The following NOTCH2NLA variants were observed in gnomAD, a reference collection of about 807,000 sequenced individuals.
NOTCH2NLA encodes notch homolog 2 N-terminal-like protein A.
At chr1:146,174,400 C>CG (rs1478594183) in intron 2 of NOTCH2NLA, among the ~76,000 whole-genome samples, 1 of 95,810 alleles carries the variant, frequency 1.0e-5, no homozygotes, top group Admixed American at 1.2e-4. Context: ...CTGTCTTTAG[C>CG]TTTTTTTTTT....
At chr1:146,172,749 T>C (rs1179362643) in intron 2 of NOTCH2NLA, among the ~76,000 whole-genome samples, 46 of 151,682 alleles carry the variant, frequency 3.0e-4, no homozygotes, top group South Asian at 4.1e-4. Flanking sequence ...ATGGTTCTTC[T>C]TTATTTAAGC....
chr1:146,154,795 T>A (rs1661078295), downstream of NOTCH2NLA: 1 of 20,976 alleles, frequency 4.8e-5, no homozygotes, highest in East Asian at 1.4e-3. Flanking sequence ...AAACTTCCTT[T>A]ATTGACTTCT....
chr1:146,174,798 T>TA (rs1662182181), intron 2 of NOTCH2NLA, among the ~76,000 whole-genome samples: 2 of 139,674 alleles, frequency 1.4e-5, no homozygotes, highest in African/African-American at 4.9e-5. Context: ...GTAAATGAGG[T>TA]AAGGGCAGGG....
chr1:146,159,423 G>GAAAGAAAGAA (rs1661363247), intron 3 of NOTCH2NLA, among the ~76,000 whole-genome samples: 1 of 149,338 alleles, frequency 6.7e-6, no homozygotes. Context: ...AAGAAAGAAA[G>GAAAGAAAGAA]AAAGAAAGAA....
chr1:146,159,966 C>CAAAAAAAAAAAAA lies in NOTCH2NLA; in HGVS notation c.299-3164_299-3152dup, dbSNP rs782308523. 5.4e-4 allele frequency among the ~76,000 whole-genome samples: 4 copies of CAAAAAAAAAAAAA among 7,438 alleles called. 1 individual carries two copies. Among genetic ancestry groups the CAAAAAAAAAAAAA allele is most frequent in the Non-Finnish European group, 9.7e-4 (2 of 2,068 alleles). 4.9% of individuals were successfully genotyped at this position (7,438 alleles called of 152,430 possible). A position where few individuals can be genotyped will look rare whatever the true frequency, so the allele number is the denominator to read the frequency against. On this transcript the variant is annotated intron_variant, in intron 3 of 4. Coordinates refer to ENST00000362074, the Ensembl canonical transcript of NOTCH2NLA. ...TGGATGACAAAGCAATACTCCATCT[C>CAAAAAAAAAAAAA]AAAAAAAAAAAAAAAAAAAAAAAAA...
At chr1:146,186,457 C>T (rs1662770125) in intron 2 of NOTCH2NLA, among the ~76,000 whole-genome samples, 2 of 144,968 alleles carry the variant, frequency 1.4e-5, no homozygotes, top group African/African-American at 4.9e-5. Flanking sequence ...TGGGTTCAGG[C>T]CATTCTCCTG....
intron 3 of NOTCH2NLA, among the ~76,000 whole-genome samples, chr1:146,159,144 G>T (rs1162114949): frequency 1.3e-5 from 2 of 151,944 alleles, no homozygotes; most frequent in Admixed American, 1.3e-4. Flanking sequence ...GATCACTTGT[G>T]GTTAGGAGTT....
intron 2 of NOTCH2NLA, among the ~76,000 whole-genome samples, chr1:146,185,102 A>T (rs587729241): frequency 1.4e-5 from 2 of 141,284 alleles, no homozygotes; most frequent in African/African-American, 4.9e-5. Flanking sequence ...ACAGAAACAC[A>T]TCCATAGACA....
chr1:146,200,704 C>G (rs1213013584), intron 1 of NOTCH2NLA, among the ~76,000 whole-genome samples: 2 of 128,986 alleles, frequency 1.6e-5, no homozygotes, highest in African/African-American at 6.0e-5. Context: ...TAAATGCAAG[C>G]AAGAATTTAT....
intron 2 of NOTCH2NLA, among the ~76,000 whole-genome samples, chr1:146,180,112 A>G (rs1553808984): frequency 7.0e-6 from 1 of 143,188 alleles, no homozygotes; most frequent in African/African-American, 2.4e-5. Context: ...ATAGCGCTTC[A>G]GAGTCCATCT....
At position 146,180,915 on chromosome 1, in the gene NOTCH2NLA, A is replaced by C. The variant is rs1176587568; in HGVS notation, c.38+8385T>G. On this transcript the variant is annotated intron_variant, in intron 2 of 4. Transcript: ENST00000362074. ...AGATGTAGACAAAATTAAAGAATTT[A>C]ATTAAGCCTCTCCATATCCTGAAAG... 6.6e-4 allele frequency among the ~76,000 whole-genome samples: 70 copies of C among 105,548 alleles called. 1 individual carries two copies. Among genetic ancestry groups the C allele is most frequent in the Non-Finnish European group, 1.4e-3 (62 of 43,862 alleles). 69.2% of individuals were successfully genotyped at this position (105,548 alleles called of 152,430 possible).
At chr1:146,201,154 T>TG (rs1183747770) in intron 1 of NOTCH2NLA, among the ~76,000 whole-genome samples, 2 of 800 alleles carry the variant, frequency 2.5e-3, no homozygotes, top group East Asian at 0.01. Flanking sequence ...TTGGCTTTCT[T>TG]GAGCCCAGTG....
At chr1:146,162,477 G>A (rs1256917776) in intron 3 of NOTCH2NLA, among the ~76,000 whole-genome samples, 1 of 113,538 alleles carries the variant, frequency 8.8e-6, no homozygotes, top group African/African-American at 4.1e-5. Flanking sequence ...TGTTGCCAAA[G>A]GAGATTAACA....
chr1:146,195,102 C>T lies in NOTCH2NLA; in HGVS notation c.-44-5721G>A, dbSNP rs1436587461. Among the ~76,000 whole-genome samples the T allele has an allele frequency of 3.5e-3, 387 of 111,054 alleles. 101 individuals are homozygous for T. Among genetic ancestry groups the T allele is most frequent in the East Asian group, 9.4e-3 (28 of 2,974 alleles). The allele number at this position is 111,054 out of a possible 152,430, so 72.9% of individuals were successfully genotyped here. A position where few individuals can be genotyped will look rare whatever the true frequency, so the allele number is the denominator to read the frequency against. Reference sequence around the variant, plus strand: ...AATTCAGCACTACAGGGTCTTCTAGCTCTCTGCTTTTTCACTTTTAAGTTC... The same window carrying T: ...AATTCAGCACTACAGGGTCTTCTAGTTCTCTGCTTTTTCACTTTTAAGTTC... On this transcript the variant is annotated intron_variant, in intron 1 of 4. Transcript: ENST00000362074.
intron 2 of NOTCH2NLA, among the ~76,000 whole-genome samples, chr1:146,171,538 C>G (rs1387558991): frequency 1.8e-5 from 2 of 110,708 alleles, no homozygotes; most frequent in African/African-American, 5.7e-5. Flanking sequence ...CTCCCCATCA[C>G]TGGATGACTC....
At chr1:146,228,894 G>T in exon 1 of NOTCH2NLA, 1 of 1,471,302 alleles carries the variant, frequency 6.8e-7, no homozygotes, top group Non-Finnish European at 8.9e-7. Flanking sequence ...CTGCTTCAAA[G>T]GCTCAGGCCC....
chr1:146,187,427 G>T (rs1662837167), intron 2 of NOTCH2NLA, among the ~76,000 whole-genome samples: 1 of 135,166 alleles, frequency 7.4e-6, no homozygotes, highest in African/African-American at 2.5e-5. Context: ...TGGTATTTCT[G>T]GTTCTAGATC....
At chr1:146,180,577 G>A (rs1662499363) in intron 2 of NOTCH2NLA, among the ~76,000 whole-genome samples, 1 of 143,170 alleles carries the variant, frequency 7.0e-6, no homozygotes, top group South Asian at 2.1e-4. Context: ...AAAATGTGCG[G>A]AAATCCAATA....
At chr1:146,159,395 G>GAA (rs1203306236) in intron 3 of NOTCH2NLA, among the ~76,000 whole-genome samples, 1 of 84,046 alleles carries the variant, frequency 1.2e-5, no homozygotes, top group African/African-American at 5.5e-5. Flanking sequence ...GAAAGAGAGA[G>GAA]AAAGAAAGAA....
Sources: gnomAD v4.1 joint callset for allele counts (sites outside exome capture counted in the v4.1 genomes callset) on GRCh38, gnomAD v4.1.1 for gene constraint, MANE v1.5 for transcripts, NCBI Gene and HGNC (gene_info 2026-07-23, HGNC 2026-07-21) for gene names.